The following KIRREL3 variants were observed in gnomAD, a reference collection of about 807,000 sequenced individuals.
KIRREL3 encodes kirre like nephrin family adhesion molecule 3.
KIRREL3 carries 36 observed loss-of-function variants against 89.7 expected under a neutral mutation model. The observed-to-expected ratio is 0.40, with a 90% confidence interval of 0.31 to 0.53. The LOEUF (loss-of-function observed/expected upper bound fraction) is 0.53. Ranked by LOEUF, KIRREL3 falls within the 20% of genes least tolerant of loss-of-function variation. The pLI is 0.49. For missense variants in KIRREL3, 864 were observed against 1,056.6 expected (o/e 0.82, Z 2.53); for synonymous variants, 445 against 441.4 (o/e 1.01, Z -0.10).
chr11:126,660,416 A>G (rs1391793466), intron 1 of KIRREL3, among the ~76,000 whole-genome samples: 1 of 152,238 alleles, frequency 6.6e-6, no homozygotes, highest in Non-Finnish European at 1.5e-5. Flanking sequence ...CGTGCATTGC[A>G]TCATTGCATT....
intron 8 of KIRREL3, 77 bp from the exon 9 acceptor site, chr11:126,446,963 C>T (rs1004907606): frequency 3.9e-6 from 6 of 1,524,514 alleles, no homozygotes; most frequent in East Asian, 4.8e-5. Flanking sequence ...GCCTCCTTTT[C>T]CCCCTAGACC....
rs1050268738 is a variant in KIRREL3 at position 126,647,520 on chromosome 11, A to G, written c.56-84608T>C. On this transcript the variant is annotated intron_variant, in intron 1 of 16. Coordinates refer to ENST00000525144, the MANE Select transcript of KIRREL3 (RefSeq NM_032531.4). This position sits in a 1 kb window ranked among gnomAD's most constrained non-coding sequence, Gnocchi z 4.9. ...TCCTTTCATTCAGCAAACGTTTATC[A>G]GGCACCTTTTAGTGTAAGGTACTCT... Among the ~76,000 whole-genome samples, 3 of 152,186 alleles carry G rather than the reference A, an allele frequency of 2.0e-5. No homozygotes were observed. Among genetic ancestry groups the G allele is most frequent in the African/African-American group, 7.2e-5 (3 of 41,444 alleles).
chr11:126,923,968 A>G (rs994437220), intron 1 of KIRREL3, among the ~76,000 whole-genome samples: 1 of 152,116 alleles, frequency 6.6e-6, no homozygotes, highest in Non-Finnish European at 1.5e-5. Context: ...GATGTGGCTC[A>G]CCCGCTTGTT....
chr11:126,683,318 A>G lies in KIRREL3; in HGVS notation c.56-120406T>C, dbSNP rs1946539673. 6.6e-6 allele frequency among the ~76,000 whole-genome samples: 1 copy of G among 152,206 alleles called. No individual in the cohort carries two copies. The highest frequency in any genetic ancestry group is 2.4e-5 in the African/African-American group (1 of 41,462). On this transcript the variant is annotated intron_variant, in intron 1 of 16. Transcript: ENST00000525144. The surrounding 1 kb of genome is among the most constrained non-coding windows in gnomAD (Gnocchi z 5.2). ...AGTAGAGTTGGGGTTGTGAAATATT[A>G]GAACGTGTGGATAGTCTGATGGTTT...
rs537204539 is a variant in KIRREL3 at position 126,855,917 on chromosome 11, A to T, written c.55+144538T>A. 2.2e-3 allele frequency among the ~76,000 whole-genome samples: 338 copies of T among 152,336 alleles called. 2 individuals carry two copies. Among genetic ancestry groups the T allele is most frequent in the African/African-American group, 7.9e-3 (329 of 41,576 alleles). On this transcript the variant is annotated intron_variant, in intron 1 of 16. Transcript: ENST00000525144. Reference sequence around the variant, plus strand: ...AGGAGGGGACAGGGCCTATGGACCCAGCAGGGGCTACATAGGGAGATTTGG... The same window carrying T: ...AGGAGGGGACAGGGCCTATGGACCCTGCAGGGGCTACATAGGGAGATTTGG...
In KIRREL3 at chr11:127,000,441, C is replaced by T. The variant is rs375055864; in HGVS notation, c.55+14G>A. On this transcript the variant is annotated intron_variant, in intron 1 of 16. Transcript: ENST00000525144. This position sits in a 1 kb window ranked among gnomAD's most constrained non-coding sequence, Gnocchi z 7.1. Reference sequence around the variant, plus strand: ...GCCGACTTTCTTCCAACTCCAGCAGCGCAGGGGTCCTACCTTGACTGAAGA... The same window carrying T: ...GCCGACTTTCTTCCAACTCCAGCAGTGCAGGGGTCCTACCTTGACTGAAGA... 40 of 1,596,306 alleles carry T rather than the reference C, an allele frequency of 2.5e-5. No individual in the cohort carries two copies. In the African/African-American group the frequency reaches 4.8e-4, roughly 19 times the overall value.
intron 7 of KIRREL3, among the ~76,000 whole-genome samples, chr11:126,451,353 T>TGTGC (rs1491173576): frequency 5.7e-4 from 72 of 125,282 alleles, no homozygotes; most frequent in South Asian, 2.1e-3. Context: ...TGTGTGTGCG[T>TGTGC]ATGTGAGTGT....
Position 126,557,475 on chromosome 11 carries a change from A to G in KIRREL3, c.133+5360T>C, listed in dbSNP as rs1939788907. The stretch of plus-strand genomic sequence containing the variant: ...TAGAGACATACAGGTCATCTTATGA[A>G]ACATGATTCCATTTTGCACATGAGA... On this transcript the variant is annotated intron_variant, in intron 2 of 16. Coordinates refer to ENST00000525144, the MANE Select transcript of KIRREL3 (RefSeq NM_032531.4). This position sits in a 1 kb window ranked among gnomAD's most constrained non-coding sequence, Gnocchi z 5.6. Among the ~76,000 whole-genome samples, 1 of 152,188 alleles carries G rather than the reference A, an allele frequency of 6.6e-6. No individual in the cohort carries two copies. Among genetic ancestry groups the G allele is most frequent in the South Asian group, 2.1e-4 (1 of 4,828 alleles).
At position 126,996,607 on chromosome 11, in the gene KIRREL3, G is replaced by T. The variant is rs79254290; in HGVS notation, c.55+3848C>A. On this transcript the variant is annotated intron_variant, in intron 1 of 16. Coordinates refer to ENST00000525144, the MANE Select transcript of KIRREL3 (RefSeq NM_032531.4). This position sits in a 1 kb window ranked among gnomAD's most constrained non-coding sequence, Gnocchi z 4.7. ...CACTCTATTTTACCCTTCTGTCTAC[G>T]AGATGCCTTTCTATTCCCTAGGAGA... Among the ~76,000 whole-genome samples the T allele has an allele frequency of 0.018, 2,775 of 152,112 alleles. 78 individuals carry two copies. Among genetic ancestry groups the T allele is most frequent in the African/African-American group, 0.064 (2,640 of 41,466 alleles).
rs1023188984 is a variant in KIRREL3 at position 126,730,208 on chromosome 11, G to A, written c.56-167296C>T. On this transcript the variant is annotated intron_variant, in intron 1 of 16. Transcript: ENST00000525144. Reference sequence around the variant, plus strand: ...GCCCTTGGCCCTGGCTCTCAGCCCCGCAGAACCCACTGCCGACTAGCCCCA... The same window carrying A: ...GCCCTTGGCCCTGGCTCTCAGCCCCACAGAACCCACTGCCGACTAGCCCCA... Among the ~76,000 whole-genome samples, 21 of 152,264 alleles carry A rather than the reference G, an allele frequency of 1.4e-4. 1 individual carries two copies. In the East Asian group the frequency reaches 2.5e-3, roughly 18 times the overall value.
In KIRREL3 at chr11:126,797,589, T is replaced by C. The variant is rs951323186; in HGVS notation, c.55+202866A>G. ...CTTACCATGGCACTTAGTCCCAATC[T>C]ACTCCACAGCCTGTGACAGCTGGGG... is the stretch of plus-strand genomic sequence containing the variant. On this transcript the variant is annotated intron_variant, in intron 1 of 16. Transcript: ENST00000525144. This position sits in a 1 kb window ranked among gnomAD's most constrained non-coding sequence, Gnocchi z 4.9. 2.0e-5 allele frequency among the ~76,000 whole-genome samples: 3 copies of C among 152,142 alleles called. No individual in the cohort carries two copies. Among genetic ancestry groups the C allele is most frequent in the Non-Finnish European group, 4.4e-5 (3 of 68,014 alleles).
At chr11:126,478,509 G>A (rs1264376719) in intron 4 of KIRREL3, among the ~76,000 whole-genome samples, 1 of 151,630 alleles carries the variant, frequency 6.6e-6, no homozygotes, top group African/African-American at 2.4e-5. Context: ...TAAATCTTGT[G>A]TGTGTGTATG....
At position 126,444,904 on chromosome 11, in the gene KIRREL3, G is replaced by T. The variant is rs979603500; in HGVS notation, c.1252+75C>A. 1.4e-5 allele frequency: 23 copies of T among 1,592,008 alleles called. No homozygotes were observed. In the Admixed American group the frequency reaches 3.7e-4, roughly 26 times the overall value. On this transcript the variant is annotated intron_variant, in intron 10 of 16. Transcript: ENST00000525144. ...CAGAGCCAGCGACAGCTCCTTTGGGGCTATGCCTGGTGCCAAGATGCCTGA... is the reference window on the plus strand; with the variant it reads ...CAGAGCCAGCGACAGCTCCTTTGGGTCTATGCCTGGTGCCAAGATGCCTGA...
rs1944919332 is a variant in KIRREL3 at position 126,651,891 on chromosome 11, G to C, written c.56-88979C>G. ...GATGTTCAATTTTCCCATTTGGGGT[G>C]GTAATAACAGGTCTAATCATGACAC... On this transcript the variant is annotated intron_variant, in intron 1 of 16. Transcript: ENST00000525144. This position sits in a 1 kb window ranked among gnomAD's most constrained non-coding sequence, Gnocchi z 4.6. Among the ~76,000 whole-genome samples the C allele has an allele frequency of 6.6e-6, 1 of 152,148 alleles. No individual in the cohort carries two copies. Among genetic ancestry groups the C allele is most frequent in the African/African-American group, 2.4e-5 (1 of 41,414 alleles).
At chr11:127,000,907 A>G, upstream of KIRREL3, 1 of 384,758 alleles carries the variant, frequency 2.6e-6, no homozygotes, top group Non-Finnish European at 4.6e-6. The surrounding 1 kb of genome is among the most constrained non-coding windows in gnomAD (Gnocchi z 7.1). Context: ...ACAGGTCATA[A>G]TTAAAGAGGA....
In KIRREL3 at chr11:126,563,036, C is replaced by A. The variant is rs1057310551; in HGVS notation, c.56-124G>T. 3.4e-6 allele frequency: 2 copies of A among 581,312 alleles called. No homozygotes were observed. The highest frequency in any genetic ancestry group is 6.3e-5 in the Admixed American group (2 of 31,842). 36.0% of individuals were successfully genotyped at this position (581,312 alleles called of 1,614,324 possible). ...AACAGAGGTGCTTTTGTTTAGCCAA[C>A]ATTTATATGGAAATTGTTATGTTCC... On this transcript the variant is annotated intron_variant, in intron 1 of 16. Coordinates refer to ENST00000525144, the MANE Select transcript of KIRREL3 (RefSeq NM_032531.4). This position sits in a 1 kb window ranked among gnomAD's most constrained non-coding sequence, Gnocchi z 6.8.
At chr11:126,456,754 T>C (rs1956357610) in intron 6 of KIRREL3, among the ~76,000 whole-genome samples, 1 of 151,928 alleles carries the variant, frequency 6.6e-6, no homozygotes, top group Non-Finnish European at 1.5e-5. Flanking sequence ...CGGAACAAAA[T>C]AATCTAGGAA....
intron 2 of KIRREL3, among the ~76,000 whole-genome samples, chr11:126,559,829 C>G (rs1200152850): frequency 2.0e-5 from 3 of 151,544 alleles, no homozygotes; most frequent in Admixed American, 2.0e-4. Flanking sequence ...ACCACCAACC[C>G]TGGCTGATTA....
chr11:126,828,542 A>C (rs1461327272), intron 1 of KIRREL3, among the ~76,000 whole-genome samples: 1 of 152,146 alleles, frequency 6.6e-6, no homozygotes, highest in Non-Finnish European at 1.5e-5. Flanking sequence ...GGACCAGGGG[A>C]GTGGGGGGCA....
Sources: gnomAD v4.1 joint callset for allele counts (sites outside exome capture counted in the v4.1 genomes callset) on GRCh38, gnomAD v4.1.1 for gene constraint, Gnocchi (gnomAD v3.1) non-coding constraint, MANE v1.5 for transcripts, NCBI Gene and HGNC (gene_info 2026-07-23, HGNC 2026-07-21) for gene names.